The following PARN variants were observed in gnomAD, a reference collection of about 807,000 sequenced individuals.
PARN encodes the protein poly(A)-specific ribonuclease.
Under a neutral mutation model 102.8 loss-of-function variants are expected in PARN, and 71 were observed. The observed-to-expected ratio is 0.69, with a 90% CI of 0.57 to 0.84. The LOEUF (loss-of-function observed/expected upper bound fraction) is 0.84. Ranked by LOEUF, PARN falls within the 40% of genes least tolerant of loss-of-function variation. The probability of loss-of-function intolerance (pLI) is 0.00; values close to 1 mark genes in which losing one functional copy is unlikely to be tolerated. For synonymous variants in PARN, 261 were observed against 252.9 expected (o/e 1.03, Z -0.30); for missense variants, 782 against 760.9 (o/e 1.03, Z -0.33).
intron 21 of PARN, among the ~76,000 whole-genome samples, chr16:14,486,072 T>A (rs1221742111): frequency 1.3e-5 from 2 of 152,272 alleles, no homozygotes; most frequent in East Asian, 3.9e-4. Flanking sequence ...AATCCCTCTG[T>A]TGCCAGGTGT....
At chr16:14,496,099 CA>C (rs1964301478) in intron 21 of PARN, among the ~76,000 whole-genome samples, 1 of 152,186 alleles carries the variant, frequency 6.6e-6, no homozygotes, top group South Asian at 2.1e-4. Context: ...AAGTGGGTAA[CA>C]ATTCTCCTTC....
chr16:14,459,935 T>C (rs1370415275), intron 22 of PARN, among the ~76,000 whole-genome samples: 1 of 152,162 alleles, frequency 6.6e-6, no homozygotes, highest in East Asian at 1.9e-4. Flanking sequence ...CATATCTATA[T>C]GCAAAAAATA....
intron 21 of PARN, among the ~76,000 whole-genome samples, chr16:14,499,665 G>T (rs1055270003): frequency 6.6e-6 from 1 of 151,616 alleles, no homozygotes; most frequent in African/African-American, 2.4e-5. Context: ...AACATTCATT[G>T]TAAAAACCAA....
chr16:14,540,488 C>CAT (rs1048598089), intron 21 of PARN, among the ~76,000 whole-genome samples: 5 of 151,988 alleles, frequency 3.3e-5, no homozygotes, highest in African/African-American at 4.8e-5. Flanking sequence ...AGATATAATA[C>CAT]ATATATATAT....
chr16:14,451,127 G>A (rs983769003), intron 22 of PARN, among the ~76,000 whole-genome samples: 8 of 152,072 alleles, frequency 5.3e-5, no homozygotes, highest in Admixed American at 3.9e-4. Flanking sequence ...GAAGTTCATC[G>A]TCCGTACTCT....
chr16:14,603,841 G>A (rs12933637), intron 11 of PARN, among the ~76,000 whole-genome samples: 16,307 of 152,184 alleles, frequency 0.11, 919 homozygotes, highest in East Asian at 0.2. Context: ...GAAGTTAGAC[G>A]TTGCAGTATT....
chr16:14,622,112 G>C (rs903733966), intron 5 of PARN, among the ~76,000 whole-genome samples: 2 of 151,988 alleles, frequency 1.3e-5, no homozygotes, highest in East Asian at 1.9e-4. Context: ...AGAATCACTT[G>C]AACTCGGGAG....
chr16:14,527,474 T>C (rs532527608), intron 21 of PARN, among the ~76,000 whole-genome samples: 1 of 152,310 alleles, frequency 6.6e-6, no homozygotes, highest in East Asian at 1.9e-4. Context: ...TCTGTCATAA[T>C]TTTTTTCTTT....
Position 14,569,884 on chromosome 16 carries a change from C to T in PARN, c.1262+10990G>A, listed in dbSNP as rs555598230. Among the ~76,000 whole-genome samples, 92 of 152,010 alleles carry T rather than the reference C, an allele frequency of 6.1e-4. 4 individuals are homozygous for T. The South Asian group carries it at 0.019, about 31-fold the overall frequency. ...TATAATATTGTGAATGTAATTAATG[C>T]CATCAAACTGTACATTTTAAATGGT... On this transcript the variant is annotated intron_variant, in intron 18 of 23. Coordinates refer to ENST00000437198, the MANE Select transcript of PARN (RefSeq NM_002582.4).
intron 18 of PARN, among the ~76,000 whole-genome samples, chr16:14,573,604 C>G (rs146941554): frequency 6.6e-6 from 1 of 152,190 alleles, no homozygotes; most frequent in African/African-American, 2.4e-5. Flanking sequence ...GGCTATGTCC[C>G]CATCCAAATC....
intron 22 of PARN, among the ~76,000 whole-genome samples, chr16:14,482,067 C>CTTT (rs1385355615): frequency 2.6e-5 from 4 of 152,104 alleles, no homozygotes; most frequent in African/African-American, 9.7e-5. Context: ...GAACAAGACA[C>CTTT]AAAGCCTCCA....
intron 22 of PARN, among the ~76,000 whole-genome samples, chr16:14,480,059 C>G (rs73523488): frequency 0.064 from 9,710 of 152,066 alleles, 787 homozygotes; most frequent in African/African-American, 0.19. Flanking sequence ...TTGGCTGGGT[C>G]TGGTGGCTCA....
chr16:14,520,202 CGAG>C (rs1333985932), intron 21 of PARN, among the ~76,000 whole-genome samples: 2 of 152,060 alleles, frequency 1.3e-5, no homozygotes, highest in Non-Finnish European at 2.9e-5. Flanking sequence ...CTTCAACAAA[CGAG>C]GGGGTGAGGG....
At chr16:14,447,505 T>C (rs910275627) in intron 22 of PARN, among the ~76,000 whole-genome samples, 1 of 152,238 alleles carries the variant, frequency 6.6e-6, no homozygotes, top group African/African-American at 2.4e-5. Context: ...AGAGCAGAAC[T>C]GAAGAATTCT....
At position 14,532,383 on chromosome 16, in the gene PARN, G is replaced by C. The variant is rs367782178; in HGVS notation, c.1480+19638C>G. Among the ~76,000 whole-genome samples the C allele has an allele frequency of 1.9e-3, 283 of 151,454 alleles. 1 individual carries two copies. Among genetic ancestry groups the C allele is most frequent in the Admixed American group, 0.011 (163 of 15,186 alleles). ...ATTAGGGAGTGGTGATGACTCTTAA[G>C]GAGCATGCTGCCTTCAAGCATCTGT... On this transcript the variant is annotated intron_variant, in intron 21 of 23. Transcript: ENST00000437198.
At chr16:14,586,251 A>G (rs1206952185) in intron 14 of PARN, 67 bp downstream of exon 14, 2 of 863,496 alleles carry the variant, frequency 2.3e-6, no homozygotes, top group African/African-American at 1.7e-5. Flanking sequence ...TGGTGGGATT[A>G]TAGGTGTGAG....
intron 21 of PARN, among the ~76,000 whole-genome samples, chr16:14,516,963 G>A (rs1157589230): frequency 6.6e-6 from 1 of 152,152 alleles, no homozygotes; most frequent in South Asian, 2.1e-4. Context: ...AGCTAATAAA[G>A]GGTATTTTTC....
chr16:14,602,478 C>T (rs148284455), intron 11 of PARN, among the ~76,000 whole-genome samples: 3 of 152,284 alleles, frequency 2.0e-5, no homozygotes, highest in African/African-American at 4.8e-5. Flanking sequence ...CCTTGCATGT[C>T]CTAAAAACAC....
chr16:14,593,528 A>G (rs1351092216), intron 12 of PARN, 150 bp from the exon 13 acceptor site: 3 of 450,332 alleles, frequency 6.7e-6, no homozygotes, highest in Non-Finnish European at 3.9e-6. Flanking sequence ...AAAAAAGTAC[A>G]AATAAGCTAA....
Sources: gnomAD v4.1 joint callset for allele counts (sites outside exome capture counted in the v4.1 genomes callset) on GRCh38, gnomAD v4.1.1 for gene constraint, MANE v1.5 for transcripts, NCBI Gene and HGNC (gene_info 2026-07-23, HGNC 2026-07-21) for gene names.